The following RNF151 variants were observed in gnomAD, a reference collection of about 807,000 sequenced individuals.
The protein encoded by RNF151 is ring finger protein 151.
Under a neutral mutation model 11.1 loss-of-function variants are expected in RNF151, and 9 were observed. That is an observed-to-expected ratio of 0.81 (90% CI 0.49 to 1.42). The LOEUF (loss-of-function observed/expected upper bound fraction) is 1.42, where lower values mean the gene tolerates loss of function less well. Ranked by LOEUF, RNF151 falls within the 40% of genes most tolerant of loss-of-function variation. The pLI is 0.00. For synonymous variants in RNF151, 172 were observed against 140.7 expected (o/e 1.22, Z -1.58); for missense variants, 372 against 342.9 (o/e 1.08, Z -0.67).
At position 1,967,793 on chromosome 16, in the gene RNF151, G is replaced by C; in HGVS notation, c.218G>C (p.Arg73Pro). The C allele has an allele frequency of 1.2e-6, 2 of 1,610,890 alleles. No individual in the cohort carries two copies. The highest frequency in any genetic ancestry group is 1.7e-6 in the Non-Finnish European group (2 of 1,178,612). The change falls in exon 3 of 4, where the codon CGG becomes CCG. Residue 73 changes from arginine to proline, a missense_variant. Physicochemically the swap from Arg to Pro is moderately radical, Grantham distance 103 (BLOSUM62 -2). Transcript: ENST00000569714. ...AAGGTTGTCCACATGAATAAACTCC[G>C]GAAAACCATTGGCCGCCTGGAAGTC... Reference protein sequence around the residue: ...RKKVVHMNKLRKTIGRLEVKC... With the variant: ...RKKVVHMNKLPKTIGRLEVKC...
chr16:1,967,011 T>C, intron 1 of RNF151, 127 bp downstream of exon 1: 1 of 1,186,754 alleles, frequency 8.4e-7, no homozygotes, highest in Non-Finnish European at 1.2e-6. Flanking sequence ...GACCCCCATA[T>C]GGTACAAGGA....
chr16:1,966,898 C>G lies in RNF151; in HGVS notation c.3+14C>G. 1 of 1,574,368 alleles carries G rather than the reference C, an allele frequency of 6.4e-7. No homozygotes were observed. Among genetic ancestry groups the G allele is most frequent in the Non-Finnish European group, 8.7e-7 (1 of 1,155,740 alleles). ...ACGCAGATCATGGTGAGCCTGGGGC[C>G]CTCTTGCTTCCAGCCCTGAGATGTG... On this transcript the variant is annotated intron_variant, in intron 1 of 3. Coordinates refer to ENST00000569714, the MANE Select transcript of RNF151 (RefSeq NM_174903.6).
chr16:1,968,862 C>T lies in RNF151; in HGVS notation c.675C>T (p.Ala225=). The change falls in exon 4 of 4, where the codon GCC becomes GCT. Residue 225 remains alanine, a synonymous_variant. Coordinates refer to ENST00000569714, the MANE Select transcript of RNF151 (RefSeq NM_174903.6). ...CCCCACAGGAGGAGGCCGAGGCTGCCCCAGAAGGCAACGTTGGGGCTGAGG... is the reference window on the plus strand; with the variant it reads ...CCCCACAGGAGGAGGCCGAGGCTGCTCCAGAAGGCAACGTTGGGGCTGAGG... ...EGAPQEEAEA[A]PEGNVGAEVV... 2 of 1,598,840 alleles carry T rather than the reference C, an allele frequency of 1.3e-6. No individual in the cohort carries two copies. Among genetic ancestry groups the T allele is most frequent in the Non-Finnish European group, 1.7e-6 (2 of 1,173,502 alleles).
intron 2 of RNF151, 123 bp from the exon 3 acceptor site, chr16:1,967,602 C>A: frequency 1.1e-6 from 1 of 944,734 alleles, no homozygotes; most frequent in Non-Finnish European, 1.6e-6. Context: ...GCTGAGAGCG[C>A]CCTGTAATAT....
In RNF151 at chr16:1,968,537, G is replaced by A. The variant is rs1597043987; in HGVS notation, c.350G>A (p.Gly117Asp). ...PFELTACPNE[G>D]CTSQVPRGTL... ...GAGCTAACGGCCTGCCCCAACGAGG[G>A]CTGCACCTCGCAGGTGCCGCGTGGG... is the stretch of plus-strand genomic sequence containing the variant. Residue 117 changes from glycine (G) to aspartate (D), a missense_variant, in exon 4 of 4, where the codon GGC becomes GAC. Coordinates refer to ENST00000569714, the MANE Select transcript of RNF151 (RefSeq NM_174903.6). The A allele has an allele frequency of 6.2e-7, 1 of 1,609,436 alleles. No individual in the cohort carries two copies. Among genetic ancestry groups the A allele is most frequent in the South Asian group, 1.1e-5 (1 of 90,402 alleles).
At chr16:1,968,141 C>G in intron 3 of RNF151, 1 of 631,572 alleles carries the variant, frequency 1.6e-6, no homozygotes, top group East Asian at 2.7e-5. Flanking sequence ...CCTAGTTTTA[C>G]AGATGGGTAA....
chr16:1,966,993 G>C, intron 1 of RNF151, 109 bp downstream of exon 1: 1 of 1,298,926 alleles, frequency 7.7e-7, no homozygotes, highest in Non-Finnish European at 1.1e-6. Context: ...GGTGGGCAAT[G>C]GGTTGCAGAC....
chr16:1,968,418 T>C lies in RNF151; in HGVS notation c.247-16T>C, dbSNP rs577497233. 235 of 1,519,688 alleles carry C rather than the reference T, an allele frequency of 1.5e-4. No homozygotes were observed. The highest frequency in any genetic ancestry group is 2.0e-4 in the Non-Finnish European group (228 of 1,131,186). 94.1% of individuals were successfully genotyped at this position (1,519,688 alleles called of 1,614,324 possible). A position where few individuals can be genotyped will look rare whatever the true frequency, so the allele number is the denominator to read the frequency against. ...TGTCCTGCCCGGTTTCTTCACACGT[T>C]CTCCTTCACCCTCAGTGCAAGAACG... On this transcript the variant is annotated splice_polypyrimidine_tract_variant and intron_variant, in intron 3 of 3. Transcript: ENST00000569714.
rs768798571 is a variant in RNF151 at position 1,967,731 on chromosome 16, G to C, written c.156G>C (p.Lys52Asn). 6.2e-7 allele frequency: 1 copy of C among 1,609,570 alleles called. No individual in the cohort carries two copies. Among genetic ancestry groups the C allele is most frequent in the South Asian group, 1.1e-5 (1 of 89,960 alleles). Residue 52 changes from lysine (K) to asparagine (N), a missense_variant, in exon 3 of 4, where the codon AAG becomes AAC. By Grantham distance (94) the Lys-to-Asn change is moderately conservative. Coordinates refer to ENST00000569714, the MANE Select transcript of RNF151 (RefSeq NM_174903.6). ...KCILRWLARQKTCPCCRKEVK... is the reference protein window; with the variant it reads ...KCILRWLARQNTCPCCRKEVK... ...TACTCATGCCTCCTTCCAGACAAAA[G>C]ACCTGTCCGTGCTGTAGGAAAGAGG...
At chr16:1,967,034 G>A (rs755649210) in intron 1 of RNF151, 150 bp downstream of exon 1, 31 of 1,116,244 alleles carry the variant, frequency 2.8e-5, no homozygotes, top group Non-Finnish European at 3.7e-5. Context: ...CCTTCTGGAA[G>A]GCTCTGGCTA....
At chr16:1,967,866 C>G in intron 3 of RNF151, 45 bp downstream of exon 3, 1 of 1,388,412 alleles carries the variant, frequency 7.2e-7, no homozygotes. Context: ...CCTTCTCACC[C>G]TTGTAGGGGT....
intron 2 of RNF151, 42 bp from the exon 3 acceptor site, chr16:1,967,683 T>G (rs757819513): frequency 6.0e-6 from 9 of 1,506,996 alleles, no homozygotes; most frequent in East Asian, 4.7e-5. Context: ...CAGGGCTCCC[T>G]TCCCACTCCC....
Position 1,966,867 on chromosome 16 carries a change from G to C in RNF151, c.-15G>C. ...AGCTCTGGGGGCCTGTGGAGCTGCT[G>C]TCTAGACGCAGATCATGGTGAGCCT... On this transcript the variant is annotated 5_prime_UTR_variant, in exon 1 of 4. Transcript: ENST00000569714. The C allele has an allele frequency of 2.5e-6, 4 of 1,570,666 alleles. No homozygotes were observed. Among genetic ancestry groups the C allele is most frequent in the Non-Finnish European group, 3.5e-6 (4 of 1,154,332 alleles).
intron 2 of RNF151, 61 bp downstream of exon 2, chr16:1,967,480 G>GCC: frequency 1.4e-6 from 2 of 1,474,748 alleles, no homozygotes; most frequent in Middle Eastern, 1.8e-4. Flanking sequence ...CATTGCTGTG[G>GCC]CCCAGAACAG....
rs376461943 is a variant in RNF151 at position 1,968,738 on chromosome 16, G to A, written c.551G>A (p.Arg184Gln). The A allele has an allele frequency of 2.5e-5, 40 of 1,572,780 alleles. No individual in the cohort carries two copies. Among genetic ancestry groups the A allele is most frequent in the East Asian group, 4.7e-5 (2 of 42,248 alleles). Residue 184 changes from arginine to glutamine, a missense_variant, in exon 4 of 4, where the codon CGG becomes CAG. By Grantham distance (43) the Arg-to-Gln change is conservative. Coordinates refer to ENST00000569714, the MANE Select transcript of RNF151 (RefSeq NM_174903.6). ...RRRPLLLSLL[R>Q]RVRWLDQATS... is the part of the protein sequence containing the mutation. ...CGGCCCCTGCTGCTGTCCCTCCTGC[G>A]GCGTGTGCGCTGGCTGGACCAAGCC...
At position 1,966,881 on chromosome 16, in the gene RNF151, C is replaced by T; in HGVS notation, c.-1C>T. On this transcript the variant is annotated 5_prime_UTR_variant, in exon 1 of 4. Transcript: ENST00000569714. Reference sequence around the variant, plus strand: ...GTGGAGCTGCTGTCTAGACGCAGATCATGGTGAGCCTGGGGCCCTCTTGCT... The same window carrying T: ...GTGGAGCTGCTGTCTAGACGCAGATTATGGTGAGCCTGGGGCCCTCTTGCT... 1 of 1,574,284 alleles carries T rather than the reference C, an allele frequency of 6.4e-7. No homozygotes were observed. Among genetic ancestry groups the T allele is most frequent in the Middle Eastern group, 1.7e-4 (1 of 5,854 alleles).
rs2083329632 is a variant in RNF151 at position 1,968,348 on chromosome 16, C to T, written c.247-86C>T. Reference sequence around the variant, plus strand: ...AAAAGCGTGGGAGGCTCCCGGTTCCCTGGTTCCTGGCGAATGGAAAGCCAG... The same window carrying T: ...AAAAGCGTGGGAGGCTCCCGGTTCCTTGGTTCCTGGCGAATGGAAAGCCAG... On this transcript the variant is annotated intron_variant, in intron 3 of 3. Transcript: ENST00000569714. The T allele has an allele frequency of 2.1e-6, 3 of 1,432,800 alleles. No homozygotes were observed. In the Admixed American group the frequency reaches 8.5e-5, roughly 40 times the overall value. The allele number at this position is 1,432,800 out of a possible 1,614,324, so 88.8% of individuals were successfully genotyped here.
rs2083335462 is a variant in RNF151, at chr16:1,968,750, G to T, written c.563G>T (p.Trp188Leu). The T allele has an allele frequency of 6.3e-7, 1 of 1,579,376 alleles. No individual in the cohort carries two copies. Among genetic ancestry groups the T allele is most frequent in the South Asian group, 1.2e-5 (1 of 86,496 alleles). The change falls in exon 4 of 4, where the codon TGG (tryptophan) becomes TTG (leucine). Residue 188 changes from tryptophan (W) to leucine (L), a missense_variant. Transcript: ENST00000569714. ...LLLSLLRRVR[W>L]LDQATSVVRR... ...CTGTCCCTCCTGCGGCGTGTGCGCT[G>T]GCTGGACCAAGCCACCAGTGTCGTT...
At position 1,968,499 on chromosome 16, in the gene RNF151, C is replaced by T; in HGVS notation, c.312C>T (p.Asp104=). The change falls in exon 4 of 4, where the codon GAC becomes GAT. Residue 104 remains aspartate (D), a synonymous_variant. Transcript: ENST00000569714. ...TGGCCCATCGCAAGGGGCACCAGGACTCATGCCCCTTTGAGCTAACGGCCT... is the reference window on the plus strand; with the variant it reads ...TGGCCCATCGCAAGGGGCACCAGGATTCATGCCCCTTTGAGCTAACGGCCT... The part of the protein sequence containing the change: ...CPLAHRKGHQ[D]SCPFELTACP... 6.2e-7 allele frequency: 1 copy of T among 1,605,622 alleles called. No homozygotes were observed. The highest frequency in any genetic ancestry group is 8.5e-7 in the Non-Finnish European group (1 of 1,176,022).
Sources: allele counts gnomAD v4.1 joint callset, GRCh38; gene constraint gnomAD v4.1.1; transcripts MANE v1.5; gene names NCBI Gene and HGNC (gene_info 2026-07-23, HGNC 2026-07-21).